Variants in ENOX1 observed in about 807,000 individuals in gnomAD.
ENOX1 encodes the protein candidate growth-related and time keeping constitutive hydroquinone (NADH) oxidase.
ENOX1 carries 42 observed loss-of-function variants against 82.5 expected under a neutral mutation model. The observed-to-expected ratio is 0.51, with a 90% CI of 0.40 to 0.66. ENOX1 has a LOEUF of 0.66. Among genes scored for constraint, ENOX1 ranks in the 30% least tolerant of loss-of-function variants. ENOX1 has a pLI of 0.00. For synonymous variants in ENOX1, 271 were observed against 282.2 expected, an observed-to-expected ratio of 0.96 and a Z score of 0.40; for missense variants, 608 against 811.6, an observed-to-expected ratio of 0.75 and a Z score of 3.05.
At chr13:43,322,333 T>C in intron 11 of ENOX1, 51 bp downstream of exon 11, 2 of 1,417,126 alleles carry the variant, frequency 1.4e-6, no homozygotes, top group Non-Finnish European at 9.9e-7. Flanking sequence ...CATCTGAGAT[T>C]TGGAAGATCA....
chr13:43,336,459 C>T (rs555135898), intron 9 of ENOX1, among the ~76,000 whole-genome samples: 5 of 152,350 alleles, frequency 3.3e-5, no homozygotes, highest in Admixed American at 6.5e-5. Flanking sequence ...CAGTGCCCTG[C>T]GCAGCTGTCT....
intron 11 of ENOX1, among the ~76,000 whole-genome samples, chr13:43,318,315 C>T (rs2047626067): frequency 6.6e-6 from 1 of 152,132 alleles, no homozygotes; most frequent in African/African-American, 2.4e-5. Context: ...ATTTAATTTA[C>T]CAGCTTTAGG....
At chr13:43,274,511 A>AATTTAT (rs1404418180) in intron 12 of ENOX1, among the ~76,000 whole-genome samples, 19 of 152,358 alleles carry the variant, frequency 1.2e-4, no homozygotes, top group African/African-American at 4.3e-4. Flanking sequence ...TTTCACTTGA[A>AATTTAT]ATTTATGAGT....
intron 1 of ENOX1, among the ~76,000 whole-genome samples, chr13:43,674,960 G>A (rs926846662): frequency 5.9e-5 from 9 of 152,278 alleles, no homozygotes; most frequent in Admixed American, 5.2e-4. Flanking sequence ...CTGAAGAACC[G>A]AAAGGCCCAG....
intron 3 of ENOX1, among the ~76,000 whole-genome samples, chr13:43,434,829 A>G (rs990616529): frequency 3.9e-5 from 6 of 152,168 alleles, no homozygotes; most frequent in African/African-American, 1.4e-4. Context: ...GTACAGATAC[A>G]GCAAAAATTA....
chr13:43,531,165 T>C (rs934317983), intron 2 of ENOX1, among the ~76,000 whole-genome samples: 3 of 152,114 alleles, frequency 2.0e-5, no homozygotes, highest in East Asian at 1.9e-4. Context: ...GGAGGTTTTA[T>C]ACTTTCCTTA....
intron 2 of ENOX1, among the ~76,000 whole-genome samples, chr13:43,518,493 T>C (rs1463014518): frequency 2.0e-5 from 3 of 152,038 alleles, no homozygotes; most frequent in African/African-American, 2.4e-5. Flanking sequence ...GTTGATGTTC[T>C]AGTGCAATAC....
At chr13:43,454,736 CT>C (rs2057141122) in intron 3 of ENOX1, among the ~76,000 whole-genome samples, 1 of 151,942 alleles carries the variant, frequency 6.6e-6, no homozygotes, top group Non-Finnish European at 1.5e-5. Flanking sequence ...TGTTCAACAT[CT>C]TATTTTTCCT....
intron 1 of ENOX1, among the ~76,000 whole-genome samples, chr13:43,698,936 G>T (rs755804438): frequency 2.6e-5 from 4 of 152,212 alleles, no homozygotes; most frequent in Admixed American, 6.5e-5. Context: ...CAATTTCACA[G>T]TTTAAAAAGC....
At chr13:43,323,790 C>T (rs2047949322) in intron 10 of ENOX1, among the ~76,000 whole-genome samples, 2 of 152,178 alleles carry the variant, frequency 1.3e-5, no homozygotes, top group South Asian at 4.1e-4. Context: ...ATGACTTGTG[C>T]CCATTTGATG....
chr13:43,409,841 C>T (rs1184125217), intron 5 of ENOX1, among the ~76,000 whole-genome samples: 1 of 152,022 alleles, frequency 6.6e-6, no homozygotes, highest in Non-Finnish European at 1.5e-5. Context: ...ACTAACCAAA[C>T]ACAACAGAAC....
intron 14 of ENOX1, among the ~76,000 whole-genome samples, chr13:43,255,668 TTACAA>T (rs1475559214): frequency 6.6e-6 from 1 of 151,824 alleles, no homozygotes; most frequent in Non-Finnish European, 1.5e-5. Context: ...GAAAACTCAT[TTACAA>T]TAGCTAAAAA....
intron 1 of ENOX1, among the ~76,000 whole-genome samples, chr13:43,699,607 T>C (rs1363766890): frequency 6.6e-6 from 1 of 152,246 alleles, no homozygotes; most frequent in Non-Finnish European, 1.5e-5. Context: ...CAAATGCTAC[T>C]AGGTTTGCAT....
intron 3 of ENOX1, among the ~76,000 whole-genome samples, chr13:43,453,192 A>G (rs1422810941): frequency 6.6e-6 from 1 of 152,070 alleles, no homozygotes; most frequent in Admixed American, 6.6e-5. Flanking sequence ...CTTCAGTTGG[A>G]GACCTAACTG....
intron 15 of ENOX1, among the ~76,000 whole-genome samples, chr13:43,233,098 T>G (rs746628822): frequency 7.2e-5 from 11 of 152,152 alleles, no homozygotes; most frequent in Non-Finnish European, 1.5e-4. Flanking sequence ...TGAAATAAAC[T>G]AGTTCTGGCA....
intron 2 of ENOX1, among the ~76,000 whole-genome samples, chr13:43,645,363 T>C (rs1033719105): frequency 5.9e-5 from 9 of 152,094 alleles, no homozygotes; most frequent in Non-Finnish European, 1.3e-4. Flanking sequence ...CTCACTATAT[T>C]GCCCAGCACA....
intron 2 of ENOX1, among the ~76,000 whole-genome samples, chr13:43,614,974 G>C (rs767534375): frequency 6.6e-6 from 1 of 152,130 alleles, no homozygotes; most frequent in Non-Finnish European, 1.5e-5. Flanking sequence ...GTACATTAAA[G>C]TTTGAGGAGC....
At chr13:43,668,581 T>TGTAGACATTGAAG (rs1451475212) in intron 1 of ENOX1, among the ~76,000 whole-genome samples, 20 of 152,306 alleles carry the variant, frequency 1.3e-4, no homozygotes, top group Admixed American at 6.5e-5. Flanking sequence ...GACCAGCATC[T>TGTAGACATTGAAG]GTAGACATTG....
At chr13:43,355,208 T>C (rs2050070174) in intron 8 of ENOX1, among the ~76,000 whole-genome samples, 1 of 152,116 alleles carries the variant, frequency 6.6e-6, no homozygotes, top group Non-Finnish European at 1.5e-5. Context: ...CATCCTAACT[T>C]CAAAATCTGG....
Sources: gnomAD v4.1 joint callset for allele counts (sites outside exome capture counted in the v4.1 genomes callset) on GRCh38, gnomAD v4.1.1 for gene constraint, MANE v1.5 for transcripts, NCBI Gene and HGNC (gene_info 2026-07-23, HGNC 2026-07-21) for gene names.